The following ATRNL1 variants were observed in gnomAD, a reference collection of about 807,000 sequenced individuals.
ATRNL1 encodes the protein attractin-like protein 1.
Under a neutral mutation model 182.7 loss-of-function variants are expected in ATRNL1, and 95 were observed. The ratio of observed to expected loss-of-function variants is 0.52; its 90% CI spans 0.44 to 0.62. ATRNL1 has a LOEUF of 0.62. ATRNL1 is among the 20% of genes least tolerant of loss of function. The pLI is 0.00. For synonymous variants in ATRNL1, 576 were observed against 568.3 expected (o/e 1.01, Z -0.19); for missense variants, 1,471 against 1,679.5 (o/e 0.88, Z 2.17).
rs782083561 is a variant in ATRNL1, at chr10:115,093,962, C to T, written c.212C>T (p.Ser71Leu). The T allele has an allele frequency of 3.1e-6, 5 of 1,587,832 alleles. No individual in the cohort carries two copies. The highest frequency in any genetic ancestry group is 3.4e-6 in the Non-Finnish European group (4 of 1,169,064). Residue 71 changes from serine to leucine, a missense_variant, in exon 1 of 29, where the codon TCG (serine) becomes TTG (leucine). Transcript: ENST00000355044. The surrounding 1 kb of genome is among the most constrained non-coding windows in gnomAD (Gnocchi z 6.1). ...KPCERTGSCF[S>L]GRCVNSTCLC... is the part of the protein sequence containing the mutation. ...TGCGAGAGGACCGGCTCCTGCTTCT[C>T]GGGCCGCTGTGTCAACTCCACCTGC... is the stretch of plus-strand genomic sequence containing the variant.
intron 28 of ATRNL1, among the ~76,000 whole-genome samples, chr10:115,868,571 T>C (rs1420329019): frequency 1.3e-5 from 2 of 152,132 alleles, no homozygotes; most frequent in Non-Finnish European, 2.9e-5. Context: ...AATGAATGAA[T>C]GCATACTCTC....
rs782289591 is a variant in ATRNL1 at position 115,462,033 on chromosome 10, C to T, written c.3415C>T (p.Gln1139Ter). The part of the protein sequence containing the change: ...TAINFIANPE[Q>*]SNKNLDISIN... ...CATAAACTTTATAGCAAACCCAGAA[C>T]AGGTGAGGAAAAATTGTTATCTTTT... The change falls in exon 22 of 29, where the codon CAG (glutamine) becomes TAG (stop). Residue 1139 changes from glutamine to a stop codon, truncating the protein, a stop_gained and splice_region_variant. Transcript: ENST00000355044. LOFTEE classifies it high-confidence loss of function. 4 of 1,596,338 alleles carry T rather than the reference C, an allele frequency of 2.5e-6. No individual in the cohort carries two copies. Among genetic ancestry groups the T allele is most frequent in the Non-Finnish European group, 3.4e-6 (4 of 1,170,574 alleles).
intron 26 of ATRNL1, among the ~76,000 whole-genome samples, chr10:115,676,690 A>T (rs1207766439): frequency 2.0e-5 from 3 of 151,574 alleles, no homozygotes; most frequent in East Asian, 1.9e-4. Flanking sequence ...GTATTTTTTT[A>T]AAAAAAGATA....
intron 24 of ATRNL1, among the ~76,000 whole-genome samples, chr10:115,515,817 G>T (rs1554983763): frequency 6.6e-6 from 1 of 151,876 alleles, no homozygotes. Context: ...GTCAAATCCA[G>T]TAGCCATATT....
intron 9 of ATRNL1, among the ~76,000 whole-genome samples, chr10:115,221,599 G>A (rs904340317): frequency 1.3e-5 from 2 of 152,152 alleles, no homozygotes; most frequent in African/African-American, 4.8e-5. Flanking sequence ...ATACAAGACA[G>A]GCATTTTGTG....
At chr10:115,155,675 T>C (rs1846478745) in intron 5 of ATRNL1, among the ~76,000 whole-genome samples, 1 of 152,156 alleles carries the variant, frequency 6.6e-6, no homozygotes, top group Non-Finnish European at 1.5e-5. Context: ...CATTAGTAAT[T>C]GTTGGCTATG....
At chr10:115,371,886 T>C (rs989859342) in intron 19 of ATRNL1, among the ~76,000 whole-genome samples, 10 of 152,136 alleles carry the variant, frequency 6.6e-5, no homozygotes, top group African/African-American at 2.2e-4. Flanking sequence ...GTAATTCCCA[T>C]GTGTTGTGGA....
intron 24 of ATRNL1, among the ~76,000 whole-genome samples, chr10:115,518,618 A>G (rs1431570111): frequency 1.3e-5 from 2 of 151,898 alleles, no homozygotes; most frequent in African/African-American, 4.8e-5. Flanking sequence ...TTTTCAAAAT[A>G]TACAGGGCTA....
chr10:115,880,458 T>C (rs1002261330), intron 28 of ATRNL1, among the ~76,000 whole-genome samples: 1 of 152,146 alleles, frequency 6.6e-6, no homozygotes, highest in African/African-American at 2.4e-5. Flanking sequence ...ACCCAGTCTC[T>C]ACTAATAAAA....
intron 5 of ATRNL1, among the ~76,000 whole-genome samples, chr10:115,131,317 AAAACGCAG>A (rs1845224062): frequency 6.6e-6 from 1 of 152,154 alleles, no homozygotes; most frequent in African/African-American, 2.4e-5. Context: ...TGTAAATTAT[AAAACGCAG>A]AAATAAGACA....
chr10:115,549,620 T>TAACAGACAA (rs1852851623), intron 26 of ATRNL1, 84 bp downstream of exon 26: 3 of 877,190 alleles, frequency 3.4e-6, no homozygotes, highest in Non-Finnish European at 4.9e-6. Flanking sequence ...CCATGCTCTC[T>TAACAGACAA]TGGAATGCAG....
chr10:115,328,531 C>G (rs546679891), intron 18 of ATRNL1, among the ~76,000 whole-genome samples: 14 of 152,128 alleles, frequency 9.2e-5, no homozygotes, highest in African/African-American at 3.4e-4. Flanking sequence ...ATAGGTATTC[C>G]TCCTATGTGT....
chr10:115,288,534 T>C (rs1412254361), intron 15 of ATRNL1, among the ~76,000 whole-genome samples: 4 of 150,712 alleles, frequency 2.7e-5, no homozygotes, highest in African/African-American at 9.8e-5. Flanking sequence ...TTTTTTTTTA[T>C]TTTTTTTGAG....
chr10:115,614,172 G>A (rs56847544), intron 26 of ATRNL1, among the ~76,000 whole-genome samples: 3,435 of 151,992 alleles, frequency 0.023, 126 homozygotes, highest in African/African-American at 0.079. Flanking sequence ...GGCTATAAAC[G>A]TCCGTCATAG....
intron 10 of ATRNL1, among the ~76,000 whole-genome samples, chr10:115,263,490 C>T (rs1851476372): frequency 6.6e-6 from 1 of 151,768 alleles, no homozygotes; most frequent in Non-Finnish European, 1.5e-5. Context: ...ATCTGTTAAT[C>T]AAATGGACCT....
chr10:115,926,973 A>C (rs1555120432), intron 28 of ATRNL1, among the ~76,000 whole-genome samples: 1 of 151,978 alleles, frequency 6.6e-6, no homozygotes. Context: ...AAAAAGAAAA[A>C]TTTAGGCCAA....
Position 115,315,695 on chromosome 10 carries a change from C to T in ATRNL1, c.2996C>T (p.Pro999Leu), listed in dbSNP as rs1199571036. The T allele has an allele frequency of 1.9e-6, 3 of 1,613,442 alleles. No homozygotes were observed. In the African/African-American group the frequency reaches 4.0e-5, roughly 22 times the overall value. Reference protein sequence around the residue: ...SEMVLDTNLCPKEKNYEWSFI... With the variant: ...SEMVLDTNLCLKEKNYEWSFI... ...ATGGTTCTTGACACCAATCTTTGCC[C>T]CAAAGAAAAGAACTATGAGTGGTCC... The change falls in exon 18 of 29, where the codon CCC (proline) becomes CTC (leucine). Residue 999 changes from proline (P) to leucine (L), a missense_variant. This residue lies in a region of ATRNL1 where 437 missense variants were observed against 506.0 expected (regional missense o/e 0.86). Coordinates refer to ENST00000355044, the MANE Select transcript of ATRNL1 (RefSeq NM_207303.4).
At chr10:115,700,387 G>A (rs1018830747) in intron 26 of ATRNL1, among the ~76,000 whole-genome samples, 6 of 152,094 alleles carry the variant, frequency 3.9e-5, no homozygotes, top group African/African-American at 1.4e-4. Context: ...CATTCTGGCT[G>A]GTGTGAGATG....
At chr10:115,532,360 G>T (rs572629743) in intron 25 of ATRNL1, among the ~76,000 whole-genome samples, 7 of 152,204 alleles carry the variant, frequency 4.6e-5, no homozygotes, top group African/African-American at 1.7e-4. Context: ...TTGTAAGTTG[G>T]ATTCCTAGGT....
Sources: gnomAD v4.1 joint callset for allele counts (sites outside exome capture counted in the v4.1 genomes callset) on GRCh38, gnomAD v4.1.1 for gene constraint, gnomAD v4.1.1 regional missense constraint, Gnocchi (gnomAD v3.1) non-coding constraint, MANE v1.5 for transcripts, NCBI Gene and HGNC (gene_info 2026-07-23, HGNC 2026-07-21) for gene names.